Variants in CEMIP observed in about 807,000 individuals in gnomAD.
CEMIP encodes cell migration-inducing and hyaluronan-binding protein.
Under a neutral mutation model 156.9 loss-of-function variants are expected in CEMIP, and 105 were observed. The observed-to-expected ratio is 0.67, with a 90% CI of 0.57 to 0.79. CEMIP has a LOEUF of 0.79. Ranked by LOEUF, CEMIP falls within the 30% of genes least tolerant of loss-of-function variation. CEMIP has a pLI of 0.00. For missense variants in CEMIP, 1,457 were observed against 1,769.4 expected (o/e 0.82, Z 3.17); for synonymous variants, 676 against 668.4 (o/e 1.01, Z -0.17).
intron 1 of CEMIP, among the ~76,000 whole-genome samples, chr15:80,821,850 G>C (rs1197921721): frequency 6.6e-6 from 1 of 152,254 alleles, no homozygotes; most frequent in African/African-American, 2.4e-5. Flanking sequence ...TCTCAGGACA[G>C]TCTCCCCTTG....
At chr15:80,817,084 G>A (rs139884164) in intron 1 of CEMIP, among the ~76,000 whole-genome samples, 76 of 152,234 alleles carry the variant, frequency 5.0e-4, no homozygotes, top group South Asian at 3.3e-3. Context: ...AAATAGAAAC[G>A]GAAAGCCATG....
Position 80,925,721 on chromosome 15 carries a change from C to T in CEMIP, c.2386C>T (p.Leu796=), listed in dbSNP as rs372188076. The part of the protein sequence containing the change: ...AYKNQDHGAW[L]RGGDVWLDSC... ...CAAGAACCAGGACCACGGGGCCTGG[C>T]TGCGCGGCGGGGATGTGTGGCTGGA... The change falls in exon 19 of 30, where the codon CTG becomes TTG. Residue 796 remains leucine (L), a synonymous_variant. Coordinates refer to ENST00000394685, the MANE Select transcript of CEMIP (RefSeq NM_001293298.2). 3.8e-5 allele frequency: 62 copies of T among 1,613,660 alleles called. No homozygotes were observed. In the African/African-American group the frequency reaches 7.2e-4, roughly 19 times the overall value.
chr15:80,868,798 A>G (rs1898197142), intron 1 of CEMIP, among the ~76,000 whole-genome samples: 1 of 152,204 alleles, frequency 6.6e-6, no homozygotes, highest in African/African-American at 2.4e-5. Context: ...TCGTCAATAT[A>G]TGAAAAGTGC....
chr15:80,904,591 G>C (rs1418489826), intron 12 of CEMIP, among the ~76,000 whole-genome samples: 1 of 152,172 alleles, frequency 6.6e-6, no homozygotes, highest in Non-Finnish European at 1.5e-5. Context: ...GTCCTTAAAA[G>C]AGGGACACAG....
At chr15:80,802,597 A>C (rs1256797561) in intron 1 of CEMIP, among the ~76,000 whole-genome samples, 1 of 152,238 alleles carries the variant, frequency 6.6e-6, no homozygotes, top group Non-Finnish European at 1.5e-5. Context: ...GAGCAGTGAC[A>C]TCACTTTCCT....
chr15:80,903,357 T>C (rs149104056), intron 12 of CEMIP, among the ~76,000 whole-genome samples: 1 of 152,216 alleles, frequency 6.6e-6, no homozygotes, highest in Non-Finnish European at 1.5e-5. Flanking sequence ...AAGGAAAGAC[T>C]AACATTGAGT....
At chr15:80,868,008 G>A (rs1898177514) in intron 1 of CEMIP, among the ~76,000 whole-genome samples, 1 of 152,146 alleles carries the variant, frequency 6.6e-6, no homozygotes, top group South Asian at 2.1e-4. Context: ...AGACCTCTGA[G>A]CTCTGCTTTC....
In CEMIP at chr15:80,931,855, G is replaced by T. The variant is rs746596338; in HGVS notation, c.2613-4G>T. On this transcript the variant is annotated splice_polypyrimidine_tract_variant and splice_region_variant and intron_variant, in intron 21 of 29. Transcript: ENST00000394685. ...ACTGACATCTTACTTCCTTAACTCC[G>T]TAGGAATTTTCCAATTAGAGGAATT... The T allele has an allele frequency of 6.2e-7, 1 of 1,613,470 alleles. No individual in the cohort carries two copies. Among genetic ancestry groups the T allele is most frequent in the Non-Finnish European group, 8.5e-7 (1 of 1,179,480 alleles).
intron 11 of CEMIP, 140 bp downstream of exon 11, chr15:80,895,262 G>A: frequency 3.4e-6 from 4 of 1,163,572 alleles, no homozygotes; most frequent in Non-Finnish European, 5.0e-6. Flanking sequence ...AGCAGTGGGA[G>A]GATCCTTGGA....
Position 80,920,085 on chromosome 15 carries a change from C to T in CEMIP, c.1798-9C>T. On this transcript the variant is annotated splice_polypyrimidine_tract_variant and intron_variant, in intron 14 of 29. Coordinates refer to ENST00000394685, the MANE Select transcript of CEMIP (RefSeq NM_001293298.2). ...GCTTGGTGAAACACCCCTGTCTTGA[C>T]CCCTGCAGATCAAGGACGTTGTGGG... 1 of 1,614,000 alleles carries T rather than the reference C, an allele frequency of 6.2e-7. No individual in the cohort carries two copies. The highest frequency in any genetic ancestry group is 1.3e-5 in the African/African-American group (1 of 75,062).
intron 1 of CEMIP, among the ~76,000 whole-genome samples, chr15:80,803,201 A>C (rs1467678098): frequency 6.6e-6 from 1 of 152,178 alleles, no homozygotes; most frequent in Non-Finnish European, 1.5e-5. Flanking sequence ...CCACTCCCGC[A>C]GAGTTGTACA....
chr15:80,846,558 C>A (rs369671582), intron 1 of CEMIP, among the ~76,000 whole-genome samples: 2 of 152,144 alleles, frequency 1.3e-5, no homozygotes, highest in Non-Finnish European at 2.9e-5. Flanking sequence ...ATCTTCTCAC[C>A]GGGGTGGTAC....
chr15:80,815,558 TC>T, intron 1 of CEMIP, among the ~76,000 whole-genome samples: 1 of 134,424 alleles, frequency 7.4e-6, no homozygotes, highest in East Asian at 2.0e-4. Flanking sequence ...CCTTCCTACC[TC>T]CCTTCTTTCT....
In CEMIP at chr15:80,881,143, T is replaced by A. The variant is rs1227960874; in HGVS notation, c.617+7T>A. On this transcript the variant is annotated splice_region_variant and intron_variant, in intron 6 of 29. Coordinates refer to ENST00000394685, the MANE Select transcript of CEMIP (RefSeq NM_001293298.2). ...CAGTCATCCATTCTGACCGGTAAGG[T>A]TTGCCTTCACTTAAACGTATACTCA... 1 of 1,611,756 alleles carries A rather than the reference T, an allele frequency of 6.2e-7. No individual in the cohort carries two copies. The highest frequency in any genetic ancestry group is 1.3e-5 in the African/African-American group (1 of 74,854).
At chr15:80,839,713 G>A (rs1244277305) in intron 1 of CEMIP, among the ~76,000 whole-genome samples, 3 of 152,186 alleles carry the variant, frequency 2.0e-5, no homozygotes, top group Non-Finnish European at 2.9e-5. Context: ...CACCTCCCTT[G>A]GACTGTGGGC....
At chr15:80,787,722 C>T (rs1263277721) in intron 1 of CEMIP, among the ~76,000 whole-genome samples, 2 of 152,156 alleles carry the variant, frequency 1.3e-5, no homozygotes, top group African/African-American at 4.8e-5. Context: ...TTCTAAAATC[C>T]CATGGAACTG....
chr15:80,927,845 A>G (rs1900754003), intron 19 of CEMIP, among the ~76,000 whole-genome samples: 1 of 152,212 alleles, frequency 6.6e-6, no homozygotes, highest in Non-Finnish European at 1.5e-5. Context: ...AAATAAATGG[A>G]TAAGACAGTG....
At chr15:80,888,615 C>T (rs1232593075) in intron 8 of CEMIP, 86 bp from the exon 9 acceptor site, 13 of 1,006,228 alleles carry the variant, frequency 1.3e-5, no homozygotes, top group African/African-American at 3.2e-5. Flanking sequence ...TGCCCATGTG[C>T]GTAGGGGGGT....
In CEMIP at chr15:80,937,835, C is replaced by A. The variant is rs1901187134; in HGVS notation, c.3263C>A (p.Thr1088Asn). The A allele has an allele frequency of 6.2e-7, 1 of 1,614,130 alleles. No individual in the cohort carries two copies. The highest frequency in any genetic ancestry group is 8.5e-7 in the Non-Finnish European group (1 of 1,180,048). Reference sequence around the variant, plus strand: ...GTGGGGCTCTGCTACCCGCGAGGCACCACATTCTCCATCCTCTCGGATGTT... The same window carrying A: ...GTGGGGCTCTGCTACCCGCGAGGCAACACATTCTCCATCCTCTCGGATGTT... The part of the protein sequence containing the change: ...IRVGLCYPRG[T>N]TFSILSDVHN... The change falls in exon 25 of 30, where the codon ACC becomes AAC. Residue 1088 changes from threonine to asparagine, a missense_variant. By Grantham distance (65) the Thr-to-Asn change is moderately conservative. Around this residue, in one of 5 missense-constraint regions of CEMIP, gnomAD observed 798 missense variants for 980.1 expected, o/e 0.81. Transcript: ENST00000394685.
Sources: allele counts gnomAD v4.1 joint callset (sites outside exome capture counted in the v4.1 genomes callset), GRCh38; gene constraint gnomAD v4.1.1; regional missense constraint gnomAD v4.1.1; transcripts MANE v1.5; gene names NCBI Gene and HGNC (gene_info 2026-07-23, HGNC 2026-07-21).